The following FZD3 variants were observed in gnomAD, a reference collection of about 807,000 sequenced individuals.
FZD3 encodes frizzled-3.
FZD3 carries 30 observed loss-of-function variants against 60.7 expected under a neutral mutation model. That is an observed-to-expected ratio of 0.49 (90% CI 0.37 to 0.67). The LOEUF (loss-of-function observed/expected upper bound fraction) is 0.67. Among genes scored for constraint, FZD3 ranks in the 30% least tolerant of loss-of-function variants. FZD3 has a pLI of 0.00. For missense variants in FZD3, 605 were observed against 838.7 expected, an observed-to-expected ratio of 0.72 and a Z score of 3.44; for synonymous variants, 246 against 275.2, an observed-to-expected ratio of 0.89 and a Z score of 1.05.
Position 28,541,419 on chromosome 8 carries a change from G to C in FZD3, c.1405-10184G>C, listed in dbSNP as rs141782786. On this transcript the variant is annotated intron_variant, in intron 5 of 7. Transcript: ENST00000240093. ...ATCTTCTTGCCTAATTGGAGGTTTT[G>C]ATTGTTGCTATTCCTGATTTTGTTT... 1.8e-3 allele frequency among the ~76,000 whole-genome samples: 267 copies of C among 152,318 alleles called. 3 individuals carry two copies. Among genetic ancestry groups the C allele is most frequent in the African/African-American group, 6.1e-3 (253 of 41,562 alleles).
chr8:28,525,878 A>C (rs1304309205), intron 4 of FZD3, among the ~76,000 whole-genome samples: 1 of 146,570 alleles, frequency 6.8e-6, no homozygotes, highest in Admixed American at 6.9e-5. Context: ...GATATATTAC[A>C]AAGTAGAATC....
rs1230392610 is a variant in FZD3 at position 28,508,406 on chromosome 8, T to C, written c.189+5204T>C. Among the ~76,000 whole-genome samples, 13 of 149,744 alleles carry C rather than the reference T, an allele frequency of 8.7e-5. No individual in the cohort carries two copies. In the Admixed American group the frequency reaches 8.8e-4, roughly 10 times the overall value. On this transcript the variant is annotated intron_variant, in intron 3 of 7. Transcript: ENST00000240093. ...ACTAAGTCATTTTTAGGCCTTTTCA[T>C]GAACACAGCTAGGGAATACTTTTTT...
At chr8:28,554,665 G>A (rs1156993847) in intron 6 of FZD3, among the ~76,000 whole-genome samples, 12 of 151,836 alleles carry the variant, frequency 7.9e-5, no homozygotes, top group Middle Eastern at 3.2e-3. Context: ...ACACTCTTAG[G>A]ACATGAATCT....
chr8:28,555,971 G>C lies in FZD3; in HGVS notation c.1787G>C (p.Arg596Thr), dbSNP rs767118406. 1.9e-6 allele frequency: 3 copies of C among 1,587,540 alleles called. No individual in the cohort carries two copies. In the Admixed American group the frequency reaches 5.0e-5, roughly 27 times the overall value. ...AGCCTCCACAGATCACGTGATGGCA[G>C]GTGAGTTTTGTTAGTAGTGTAGTTT... ...HGSLHRSRDG[R>T]YTPCSYRGME... The change falls in exon 7 of 8, where the codon AGG (arginine) becomes ACG (threonine). Residue 596 changes from arginine to threonine, a missense_variant and splice_region_variant. Transcript: ENST00000240093.
chr8:28,534,323 T>C (rs1355733240), intron 5 of FZD3, among the ~76,000 whole-genome samples: 1 of 152,186 alleles, frequency 6.6e-6, no homozygotes, highest in Non-Finnish European at 1.5e-5. Context: ...CCTCCATCCA[T>C]TTCCAGTAAC....
intron 7 of FZD3, among the ~76,000 whole-genome samples, chr8:28,559,394 T>C (rs1247165289): frequency 6.6e-6 from 1 of 152,216 alleles, no homozygotes; most frequent in Non-Finnish European, 1.5e-5. Flanking sequence ...ATTTTCCACA[T>C]AATTGTCTTT....
At chr8:28,501,802 A>G (rs1804001358) in intron 2 of FZD3, among the ~76,000 whole-genome samples, 1 of 152,194 alleles carries the variant, frequency 6.6e-6, no homozygotes, top group African/African-American at 2.4e-5. Context: ...GATGATTTCT[A>G]TTCTCTGTGC....
At position 28,523,382 on chromosome 8, in the gene FZD3, A is replaced by G. The variant is rs1585967959; in HGVS notation, c.386+2548A>G. 2.0e-5 allele frequency among the ~76,000 whole-genome samples: 3 copies of G among 152,228 alleles called. No individual in the cohort carries two copies. In the South Asian group the frequency reaches 6.2e-4, roughly 32 times the overall value. Reference sequence around the variant, plus strand: ...AGCAAGAGGGGCAAGCTCACTCTGCAGCCTCTTTTATAGGGACATTAATCC... The same window carrying G: ...AGCAAGAGGGGCAAGCTCACTCTGCGGCCTCTTTTATAGGGACATTAATCC... On this transcript the variant is annotated intron_variant, in intron 4 of 7. Coordinates refer to ENST00000240093, the MANE Select transcript of FZD3 (RefSeq NM_017412.4).
rs1805808612 is a variant in FZD3 at position 28,571,673 on chromosome 8, T to TTTTGTG, written c.*8666_*8671dup. On this transcript the variant is annotated 3_prime_UTR_variant, in exon 8 of 8. Transcript: ENST00000240093. ...TTTATTTTCAAATGTCAAATTGTATTTTTGTGTTTTATTTTCTCATTGAAG... is the reference window on the plus strand; with the variant it reads ...TTTATTTTCAAATGTCAAATTGTATTTTTGTGTTTGTGTTTTATTTTCTCATTGAAG... 6.6e-6 allele frequency: 1 copy of TTTTGTG among 152,180 alleles called. No individual in the cohort carries two copies. The highest frequency in any genetic ancestry group is 1.5e-5 in the Non-Finnish European group (1 of 68,026). The allele number at this position is 152,180 out of a possible 1,614,324, so 9.4% of individuals were successfully genotyped here.
At position 28,527,109 on chromosome 8, in the gene FZD3, A is replaced by G. The variant is rs1254258402; in HGVS notation, c.387-38A>G. 4 of 1,532,824 alleles carry G rather than the reference A, an allele frequency of 2.6e-6. No individual in the cohort carries two copies. Among genetic ancestry groups the G allele is most frequent in the Middle Eastern group, 1.8e-4 (1 of 5,480 alleles). The allele number at this position is 1,532,824 out of a possible 1,614,324, so 95.0% of individuals were successfully genotyped here. A position where few individuals can be genotyped will look rare whatever the true frequency, so the allele number is the denominator to read the frequency against. On this transcript the variant is annotated intron_variant, in intron 4 of 7. Transcript: ENST00000240093. The surrounding 1 kb of genome is among the most constrained non-coding windows in gnomAD (Gnocchi z 5.0). Reference sequence around the variant, plus strand: ...CTGTTAGATCGTGATAGATTTCCCCATAAGTAAAAATAGTTCTCATCTTGT... The same window carrying G: ...CTGTTAGATCGTGATAGATTTCCCCGTAAGTAAAAATAGTTCTCATCTTGT...
chr8:28,548,062 AG>A (rs2130450244), intron 5 of FZD3, among the ~76,000 whole-genome samples: 1 of 152,208 alleles, frequency 6.6e-6, no homozygotes, highest in Non-Finnish European at 1.5e-5. Context: ...CATATTGGTC[AG>A]GCTGGTCTCG....
At position 28,562,980 on chromosome 8, in the gene FZD3, G is replaced by T. The variant is rs776375064; in HGVS notation, c.1970G>T (p.Arg657Leu). The T allele has an allele frequency of 1.2e-6, 2 of 1,613,020 alleles. No homozygotes were observed. The highest frequency in any genetic ancestry group is 2.7e-5 in the African/African-American group (2 of 74,856). Reference protein sequence around the residue: ...THITHGTSMNRVIEEDGTSA With the variant: ...THITHGTSMNLVIEEDGTSA ...ATCACACATGGCACCAGCATGAATC[G>T]GGTTATTGAAGAAGATGGAACCAGT... The change falls in exon 8 of 8, where the codon CGG (arginine) becomes CTG (leucine). Residue 657 changes from arginine (R) to leucine (L), a missense_variant. Coordinates refer to ENST00000240093, the MANE Select transcript of FZD3 (RefSeq NM_017412.4).
chr8:28,503,242 ACT>A, intron 3 of FZD3, 40 bp downstream of exon 3: 1 of 1,315,002 alleles, frequency 7.6e-7, no homozygotes, highest in South Asian at 1.3e-5. Flanking sequence ...TTAGTAAATG[ACT>A]CTTGTGTTGT....
chr8:28,561,832 G>A (rs556648144), intron 7 of FZD3, among the ~76,000 whole-genome samples: 115 of 152,236 alleles, frequency 7.6e-4, no homozygotes, highest in African/African-American at 2.6e-3. Context: ...GAAAGAGCAC[G>A]CTATAAAGCC....
At chr8:28,495,486 A>G (rs537052585) in intron 1 of FZD3, among the ~76,000 whole-genome samples, 2 of 152,296 alleles carry the variant, frequency 1.3e-5, no homozygotes, top group South Asian at 4.1e-4. Flanking sequence ...AGCCAATATG[A>G]TATGAGCAAG....
intron 5 of FZD3, among the ~76,000 whole-genome samples, chr8:28,546,763 C>T (rs901658599): frequency 2.0e-5 from 3 of 152,182 alleles, no homozygotes; most frequent in South Asian, 2.1e-4. Context: ...ATAACAAGGT[C>T]AGGAGATCGA....
At chr8:28,554,951 A>G (rs1164723234) in intron 6 of FZD3, among the ~76,000 whole-genome samples, 1 of 152,146 alleles carries the variant, frequency 6.6e-6, no homozygotes, top group African/African-American at 2.4e-5. Context: ...CCAAGACACT[A>G]ACCTTTACAA....
chr8:28,571,008 T>C lies in FZD3; in HGVS notation c.*7997T>C, dbSNP rs1010045038. 2.0e-5 allele frequency: 3 copies of C among 147,940 alleles called. No homozygotes were observed. Among genetic ancestry groups the C allele is most frequent in the East Asian group, 3.9e-4 (2 of 5,068 alleles). 9.2% of individuals were successfully genotyped at this position (147,940 alleles called of 1,614,324 possible). ...TCATTCAGAGATGCCTGTATTATTA[T>C]GTTATTTCGATTGCCTACCAAAAAA... On this transcript the variant is annotated 3_prime_UTR_variant, in exon 8 of 8. Coordinates refer to ENST00000240093, the MANE Select transcript of FZD3 (RefSeq NM_017412.4).
At chr8:28,539,334 A>G (rs1805101809) in intron 5 of FZD3, among the ~76,000 whole-genome samples, 3 of 152,186 alleles carry the variant, frequency 2.0e-5, no homozygotes, top group South Asian at 4.1e-4. Context: ...TCTTTTCTCC[A>G]CTGATCTATA....
Sources: allele counts gnomAD v4.1 joint callset (sites outside exome capture counted in the v4.1 genomes callset), GRCh38; gene constraint gnomAD v4.1.1; non-coding constraint Gnocchi (gnomAD v3.1); transcripts MANE v1.5; gene names NCBI Gene and HGNC (gene_info 2026-07-23, HGNC 2026-07-21).